Variants in NCALD observed in about 807,000 individuals in gnomAD.
NCALD encodes neurocalcin-delta.
NCALD carries 10 observed loss-of-function variants against 18.6 expected under a neutral mutation model. That is an observed-to-expected ratio of 0.54 (90% CI 0.33 to 0.91). The LOEUF is 0.91. Ranked by LOEUF, NCALD falls within the 40% of genes least tolerant of loss-of-function variation. NCALD has a pLI of 0.03. For synonymous variants in NCALD, 88 were observed against 87.4 expected, an observed-to-expected ratio of 1.01 and a Z score of -0.04; for missense variants, 184 against 247.6, an observed-to-expected ratio of 0.74 and a Z score of 1.72.
chr8:102,077,722 G>A (rs544060434), intron 1 of NCALD, among the ~76,000 whole-genome samples: 5 of 152,248 alleles, frequency 3.3e-5, no homozygotes, highest in African/African-American at 1.2e-4. Flanking sequence ...CAGCAGACTG[G>A]AAGGGGCCCT....
At chr8:101,880,398 C>G (rs2131455415) in intron 4 of NCALD, among the ~76,000 whole-genome samples, 1 of 152,304 alleles carries the variant, frequency 6.6e-6, no homozygotes, top group East Asian at 1.9e-4. Context: ...CCCTCCACAC[C>G]TCCCTGCAAG....
At chr8:101,929,982 G>A (rs1285052280) in intron 2 of NCALD, among the ~76,000 whole-genome samples, 1 of 152,094 alleles carries the variant, frequency 6.6e-6, no homozygotes, top group Non-Finnish European at 1.5e-5. Context: ...TTGAGCCTGG[G>A]AGATGGAGGT....
At chr8:101,828,952 G>C (rs564829439) in intron 4 of NCALD, among the ~76,000 whole-genome samples, 1 of 150,216 alleles carries the variant, frequency 6.7e-6, no homozygotes, top group South Asian at 2.2e-4. Context: ...TGGACAGAAG[G>C]ATGGGTGAGT....
At chr8:101,903,029 T>A (rs766703911) in intron 3 of NCALD, among the ~76,000 whole-genome samples, 14 of 152,150 alleles carry the variant, frequency 9.2e-5, no homozygotes, top group Non-Finnish European at 1.5e-4. Context: ...CCAGGACATA[T>A]TTCTGTGAGG....
intron 2 of NCALD, among the ~76,000 whole-genome samples, chr8:101,970,589 C>T (rs954369350): frequency 6.6e-6 from 1 of 152,108 alleles, no homozygotes; most frequent in African/African-American, 2.4e-5. Flanking sequence ...AGTTTCAGGG[C>T]TCAAAGCCTA....
chr8:101,892,220 G>C (rs1487672711), intron 3 of NCALD, among the ~76,000 whole-genome samples: 2 of 149,424 alleles, frequency 1.3e-5, no homozygotes, highest in Admixed American at 1.3e-4. Flanking sequence ...CCCCCGAGCA[G>C]CCGAACTGGG....
chr8:101,782,063 G>A (rs982939133), intron 1 of NCALD, among the ~76,000 whole-genome samples: 3 of 80,420 alleles, frequency 3.7e-5, no homozygotes, highest in African/African-American at 9.3e-5. Context: ...AGGGGTTTCA[G>A]TATATATATA....
chr8:101,843,691 C>T (rs548286129), intron 4 of NCALD, among the ~76,000 whole-genome samples: 1 of 150,308 alleles, frequency 6.7e-6, no homozygotes, highest in South Asian at 2.1e-4. Context: ...ATTCCTGTGT[C>T]TCAGCCTCTG....
intron 1 of NCALD, among the ~76,000 whole-genome samples, chr8:101,755,364 T>C (rs541245903): frequency 1.2e-4 from 18 of 152,310 alleles, no homozygotes; most frequent in African/African-American, 4.1e-4. Context: ...ACCTTAATCA[T>C]GGTAAACAAG....
intron 1 of NCALD, among the ~76,000 whole-genome samples, chr8:102,028,442 T>A (rs934922628): frequency 6.6e-6 from 1 of 152,224 alleles, no homozygotes; most frequent in South Asian, 2.1e-4. Flanking sequence ...CCAAGTATAC[T>A]CCTTTGAAGC....
intron 2 of NCALD, among the ~76,000 whole-genome samples, chr8:101,713,043 C>G (rs1485449917): frequency 6.6e-6 from 1 of 152,094 alleles, no homozygotes; most frequent in Non-Finnish European, 1.5e-5. Flanking sequence ...AACTCCTCAG[C>G]AAATAAAAAA....
intron 2 of NCALD, among the ~76,000 whole-genome samples, chr8:101,958,312 T>G (rs779279072): frequency 1.7e-4 from 26 of 152,242 alleles, no homozygotes; most frequent in Non-Finnish European, 2.9e-4. Flanking sequence ...TCCTAAGAGC[T>G]TTTAGGAAAA....
intron 4 of NCALD, among the ~76,000 whole-genome samples, chr8:101,841,454 G>C (rs1814639779): frequency 6.6e-6 from 1 of 152,164 alleles, no homozygotes; most frequent in African/African-American, 2.4e-5. Context: ...TTTCCTGTGT[G>C]TCGTAGCTTA....
At position 101,732,323 on chromosome 8, in the gene NCALD, T is replaced by C. The variant is rs1488840153; in HGVS notation, c.-19-12675A>G. Among the ~76,000 whole-genome samples the C allele has an allele frequency of 2.6e-5, 4 of 152,146 alleles. 1 individual carries two copies. The highest frequency in any genetic ancestry group is 6.3e-3 in the Middle Eastern group (2 of 316). ...GTGATCCAGGGCTCATCACTTAACTTAGCAGAGGAGGTATAGGAGGAGCTC... is the reference window on the plus strand; with the variant it reads ...GTGATCCAGGGCTCATCACTTAACTCAGCAGAGGAGGTATAGGAGGAGCTC... On this transcript the variant is annotated intron_variant, in intron 1 of 3. Coordinates refer to ENST00000220931, the MANE Select transcript of NCALD (RefSeq NM_032041.3).
At chr8:102,085,150 CA>C (rs1587050803) in intron 1 of NCALD, among the ~76,000 whole-genome samples, 1 of 152,144 alleles carries the variant, frequency 6.6e-6, no homozygotes, top group African/African-American at 2.4e-5. Flanking sequence ...GTCTCAACCT[CA>C]ACACTATTAA....
intron 4 of NCALD, among the ~76,000 whole-genome samples, chr8:101,877,660 GCCAGACTC>G (rs1204126325): frequency 2.0e-5 from 3 of 152,164 alleles, no homozygotes; most frequent in Admixed American, 1.3e-4. Context: ...GGACCCTGGA[GCCAGACTC>G]CCTAGGAGAA....
chr8:101,759,360 GA>G (rs1811019644), intron 1 of NCALD, among the ~76,000 whole-genome samples: 1 of 152,302 alleles, frequency 6.6e-6, no homozygotes, highest in Admixed American at 6.5e-5. Flanking sequence ...GAGAGAGGGA[GA>G]GGGGGAAAAG....
At chr8:102,083,514 T>G (rs772023451) in intron 1 of NCALD, among the ~76,000 whole-genome samples, 18 of 152,176 alleles carry the variant, frequency 1.2e-4, no homozygotes, top group Non-Finnish European at 2.6e-4. Context: ...TCCTTTATTC[T>G]TTTTATCTTT....
intron 1 of NCALD, among the ~76,000 whole-genome samples, chr8:101,736,730 C>T (rs1809935053): frequency 6.6e-6 from 1 of 152,084 alleles, no homozygotes; most frequent in Non-Finnish European, 1.5e-5. Context: ...CTAAACAGAC[C>T]AAACCAAGTG....
Sources: allele counts gnomAD v4.1 joint callset (sites outside exome capture counted in the v4.1 genomes callset), GRCh38; gene constraint gnomAD v4.1.1; transcripts MANE v1.5; gene names NCBI Gene and HGNC (gene_info 2026-07-23, HGNC 2026-07-21).